The following ESRRG variants were observed in gnomAD, a reference collection of about 807,000 sequenced individuals.
ESRRG encodes estrogen related receptor gamma, also known as estrogen-related receptor gamma.
A neutral mutation model predicts 44.0 loss-of-function variants in ESRRG; 13 were observed. That is an observed-to-expected ratio of 0.30 (90% confidence interval 0.19 to 0.47). The LOEUF is 0.47. Among genes scored for constraint, ESRRG ranks in the 20% least tolerant of loss-of-function variants. The pLI is 1.00. For synonymous variants in ESRRG, 215 were observed against 214.6 expected, an observed-to-expected ratio of 1.00 and a Z score of -0.02; for missense variants, 395 against 580.6, an observed-to-expected ratio of 0.68 and a Z score of 3.29.
At chr1:216,917,397 A>T (rs2061334191) in intron 2 of ESRRG, among the ~76,000 whole-genome samples, 1 of 152,088 alleles carries the variant, frequency 6.6e-6, no homozygotes, top group Non-Finnish European at 1.5e-5. Flanking sequence ...GACACGCAAC[A>T]AGTCACCTGA....
chr1:216,956,144 A>G (rs1029806858), intron 1 of ESRRG, among the ~76,000 whole-genome samples: 22 of 152,146 alleles, frequency 1.4e-4, no homozygotes, highest in African/African-American at 5.1e-4. Flanking sequence ...AGTTTCCTGT[A>G]TGTTTTTTTC....
At chr1:216,897,261 A>C (rs1231039069) in intron 2 of ESRRG, among the ~76,000 whole-genome samples, 1 of 152,146 alleles carries the variant, frequency 6.6e-6, no homozygotes, top group Non-Finnish European at 1.5e-5. Flanking sequence ...TGGGGAATTG[A>C]GATGCCACTG....
rs552540044 is a variant in ESRRG, at chr1:216,967,077, G to A, written c.-105-27404C>T. ...TCTTTTTAAGAAAATAAATTTTACTGTTTAGAGTAGTTTTGGTGTGACAGC... is the reference window on the plus strand; with the variant it reads ...TCTTTTTAAGAAAATAAATTTTACTATTTAGAGTAGTTTTGGTGTGACAGC... On this transcript the variant is annotated intron_variant, in intron 1 of 7. Transcript: ENST00000359162. 6.6e-5 allele frequency among the ~76,000 whole-genome samples: 10 copies of A among 152,076 alleles called. No homozygotes were observed. The South Asian group carries it at 2.1e-3, about 32-fold the overall frequency.
chr1:216,735,935 AC>A (rs1298972209), intron 2 of ESRRG, among the ~76,000 whole-genome samples: 13 of 148,900 alleles, frequency 8.7e-5, no homozygotes, highest in Non-Finnish European at 1.5e-4. Context: ...CTGAGATCAC[AC>A]CACTGCACTC....
At chr1:217,029,581 C>T (rs544488572) in intron 1 of ESRRG, among the ~76,000 whole-genome samples, 1 of 152,260 alleles carries the variant, frequency 6.6e-6, no homozygotes, top group South Asian at 2.1e-4. Flanking sequence ...GGCTCTGTGT[C>T]CATTCAATTT....
At chr1:217,019,194 T>C (rs1314860587) in intron 1 of ESRRG, among the ~76,000 whole-genome samples, 1 of 152,158 alleles carries the variant, frequency 6.6e-6, no homozygotes, top group Non-Finnish European at 1.5e-5. Flanking sequence ...ATTCTCTGCT[T>C]TTTACCTTAG....
chr1:216,947,976 G>A (rs1476639265), intron 1 of ESRRG, among the ~76,000 whole-genome samples: 1 of 152,128 alleles, frequency 6.6e-6, no homozygotes, highest in Non-Finnish European at 1.5e-5. Context: ...AGGAAACTGT[G>A]GATGCTGTGT....
intron 2 of ESRRG, among the ~76,000 whole-genome samples, chr1:216,732,577 A>G (rs372974001): frequency 3.3e-5 from 5 of 151,920 alleles, no homozygotes; most frequent in African/African-American, 1.2e-4. Flanking sequence ...GGATTTCACC[A>G]TGTTGGACAG....
At chr1:217,011,389 T>C (rs4846800) in intron 1 of ESRRG, among the ~76,000 whole-genome samples, 23,999 of 152,242 alleles carry the variant, frequency 0.16, 2,476 homozygotes, top group Admixed American at 0.22. Context: ...TGGCCTTCCT[T>C]GGAGCTAGTC....
At chr1:216,511,911 A>G (rs995736415) in intron 6 of ESRRG, among the ~76,000 whole-genome samples, 3 of 152,198 alleles carry the variant, frequency 2.0e-5, no homozygotes, top group African/African-American at 4.8e-5. Context: ...ATGTGTTTAT[A>G]ATTTTTTTCA....
At chr1:216,988,440 A>G (rs2075212296) in intron 1 of ESRRG, among the ~76,000 whole-genome samples, 2 of 152,334 alleles carry the variant, frequency 1.3e-5, no homozygotes, top group East Asian at 1.9e-4. Flanking sequence ...GCTTGTGAAC[A>G]CAGGAACTCA....
intron 5 of ESRRG, among the ~76,000 whole-genome samples, chr1:216,550,758 A>G (rs959496740): frequency 6.6e-6 from 1 of 152,204 alleles, no homozygotes; most frequent in African/African-American, 2.4e-5. Context: ...CTTTTCTTAA[A>G]GTAAAGATAC....
At position 216,955,027 on chromosome 1, in the gene ESRRG, T is replaced by C. The variant is rs369762786; in HGVS notation, c.-105-15354A>G. Among the ~76,000 whole-genome samples, 62 of 152,272 alleles carry C rather than the reference T, an allele frequency of 4.1e-4. 1 individual carries two copies. Among genetic ancestry groups the C allele is most frequent in the East Asian group, 1.7e-3 (9 of 5,182 alleles). On this transcript the variant is annotated intron_variant, in intron 1 of 7. Coordinates refer to the ESRRG transcript ENST00000359162. ...ATTAGAATATCCATCATCATAACCA[T>C]TTATCACTTCTTTGCATTGGGAACA...
chr1:217,129,809 G>A (rs2092940106), intron 1 of ESRRG, among the ~76,000 whole-genome samples: 1 of 152,110 alleles, frequency 6.6e-6, no homozygotes, highest in Admixed American at 6.5e-5. Context: ...GAAGGGGAGG[G>A]AAGAATGAGG....
rs975132968 is a variant in ESRRG at position 217,042,049 on chromosome 1, T to C, written c.-106+47458A>G. 5.1e-4 allele frequency among the ~76,000 whole-genome samples: 78 copies of C among 152,152 alleles called. 1 individual carries two copies. The highest frequency in any genetic ancestry group is 1.5e-4 in the Non-Finnish European group (10 of 68,020). On this transcript the variant is annotated intron_variant, in intron 1 of 7. Transcript: ENST00000359162. ...CATCTTTTGATGGTCCCTGATAGCA[T>C]TCCATTTCAGTTTGAAAGAACCCAT...
intron 1 of ESRRG, among the ~76,000 whole-genome samples, chr1:216,709,464 T>C (rs2083159949): frequency 6.6e-6 from 1 of 151,796 alleles, no homozygotes; most frequent in African/African-American, 2.4e-5. Context: ...CTGAACCTAA[T>C]AAAGAAAACA....
intron 2 of ESRRG, among the ~76,000 whole-genome samples, chr1:216,674,189 T>A (rs979085050): frequency 1.3e-5 from 2 of 152,226 alleles, no homozygotes; most frequent in African/African-American, 4.8e-5. Context: ...TGAGGTGTGC[T>A]TTCATTCTCA....
chr1:216,623,114 G>T (rs1244099047), intron 3 of ESRRG, among the ~76,000 whole-genome samples: 1 of 107,916 alleles, frequency 9.3e-6, no homozygotes, highest in African/African-American at 3.7e-5. Context: ...ATGGAGTCTC[G>T]CTCTGTCACC....
chr1:216,623,592 G>T (rs1282918580), intron 3 of ESRRG, among the ~76,000 whole-genome samples: 1 of 152,030 alleles, frequency 6.6e-6, no homozygotes, highest in African/African-American at 2.4e-5. Context: ...ACTTCTGAGG[G>T]TGTAAGGAAA....
Sources: gnomAD v4.1 joint callset for allele counts (sites outside exome capture counted in the v4.1 genomes callset) on GRCh38, gnomAD v4.1.1 for gene constraint, MANE v1.5 for transcripts, NCBI Gene and HGNC (gene_info 2026-07-23, HGNC 2026-07-21) for gene names.